The following INPP4B variants were observed in gnomAD, a reference collection of about 807,000 sequenced individuals.
INPP4B encodes inositol polyphosphate 4-phosphatase type II.
In INPP4B, 55 loss-of-function variants were observed where a neutral mutation model predicts 122.5. That is an observed-to-expected ratio of 0.45 (90% CI 0.36 to 0.56). The LOEUF is 0.56. Among genes scored for constraint, INPP4B ranks in the 20% least tolerant of loss-of-function variants. INPP4B has a pLI of 0.00. For synonymous variants in INPP4B, 403 were observed against 388.7 expected, an observed-to-expected ratio of 1.04 and a Z score of -0.43; for missense variants, 1,000 against 1,097.7, an observed-to-expected ratio of 0.91 and a Z score of 1.26.
chr4:142,606,704 A>T (rs1741345955), intron 2 of INPP4B, among the ~76,000 whole-genome samples: 1 of 152,076 alleles, frequency 6.6e-6, no homozygotes, highest in Admixed American at 6.6e-5. Context: ...TGAAAGTGCT[A>T]AAATTCCATG....
intron 1 of INPP4B, among the ~76,000 whole-genome samples, chr4:142,742,738 T>A (rs1028239470): frequency 6.6e-6 from 1 of 151,948 alleles, no homozygotes; most frequent in Non-Finnish European, 1.5e-5. Flanking sequence ...AAGTATGAGA[T>A]ATAAGAAGAA....
chr4:142,137,921 C>T (rs1691903234), intron 18 of INPP4B, among the ~76,000 whole-genome samples: 1 of 152,084 alleles, frequency 6.6e-6, no homozygotes, highest in Admixed American at 6.6e-5. Flanking sequence ...AATAGGAACA[C>T]TTATACACTG....
intron 2 of INPP4B, among the ~76,000 whole-genome samples, chr4:142,466,432 G>A (rs1817794622): frequency 6.6e-6 from 1 of 152,154 alleles, no homozygotes; most frequent in East Asian, 1.9e-4. Flanking sequence ...AAATTTCTAA[G>A]CAGCAAAGCA....
chr4:142,213,217 A>C (rs1038737483), intron 12 of INPP4B, among the ~76,000 whole-genome samples: 1 of 152,302 alleles, frequency 6.6e-6, no homozygotes, highest in East Asian at 1.9e-4. Flanking sequence ...ACTTAGGACA[A>C]ATTGCTGCCC....
intron 2 of INPP4B, among the ~76,000 whole-genome samples, chr4:142,543,272 G>T (rs1348188169): frequency 1.3e-5 from 2 of 152,004 alleles, no homozygotes; most frequent in Non-Finnish European, 2.9e-5. Context: ...AAGTTTAGTG[G>T]TGTGCTTGTT....
At chr4:142,844,852 A>G (rs1469132024) in intron 1 of INPP4B, among the ~76,000 whole-genome samples, 3 of 152,196 alleles carry the variant, frequency 2.0e-5, no homozygotes, top group African/African-American at 7.2e-5. Flanking sequence ...GTACACCTAT[A>G]AAAGAACTAT....
intron 1 of INPP4B, among the ~76,000 whole-genome samples, chr4:142,737,215 T>C (rs1435434985): frequency 6.6e-6 from 1 of 152,082 alleles, no homozygotes; most frequent in East Asian, 1.9e-4. Flanking sequence ...CAAACTATAC[T>C]ACAAGGCTAC....
At chr4:142,335,108 GAAAAAAAA>G (rs36074851) in intron 7 of INPP4B, among the ~76,000 whole-genome samples, 6 of 65,164 alleles carry the variant, frequency 9.2e-5, no homozygotes, top group Non-Finnish European at 1.3e-4. Context: ...TGGGAAAAAT[GAAAAAAAA>G]AAAAAAAAAA....
chr4:142,301,430 G>T (rs926247644), intron 9 of INPP4B, among the ~76,000 whole-genome samples: 2 of 152,094 alleles, frequency 1.3e-5, no homozygotes, highest in Admixed American at 6.5e-5. Context: ...CTTCCTACTA[G>T]GTAGTAAAAT....
intron 2 of INPP4B, among the ~76,000 whole-genome samples, chr4:142,644,261 T>A (rs1298022748): frequency 3.8e-4 from 34 of 90,116 alleles, no homozygotes; most frequent in East Asian, 1.1e-3. Context: ...AGGAAGGGGG[T>A]CAGGAGGAGG....
intron 5 of INPP4B, among the ~76,000 whole-genome samples, chr4:142,421,365 C>T (rs2149311233): frequency 6.6e-6 from 1 of 152,212 alleles, no homozygotes; most frequent in South Asian, 2.1e-4. Flanking sequence ...GCACAGCCTG[C>T]CTAAAAAATC....
chr4:142,071,557 G>T (rs1339640856), intron 25 of INPP4B, among the ~76,000 whole-genome samples: 1 of 152,116 alleles, frequency 6.6e-6, no homozygotes, highest in African/African-American at 2.4e-5. Context: ...GCAACCTACA[G>T]AATGGGAGAA....
chr4:142,657,900 C>T (rs564054706), intron 2 of INPP4B, among the ~76,000 whole-genome samples: 7 of 152,220 alleles, frequency 4.6e-5, no homozygotes, highest in Admixed American at 1.3e-4. Flanking sequence ...TTTTTTGACA[C>T]CGGGCTTTTC....
intron 14 of INPP4B, among the ~76,000 whole-genome samples, chr4:142,197,629 A>C (rs1250027170): frequency 6.6e-6 from 1 of 152,204 alleles, no homozygotes; most frequent in Non-Finnish European, 1.5e-5. Context: ...CAATGTTAAT[A>C]ATAATGATGG....
chr4:142,733,795 T>C (rs1050803990), intron 1 of INPP4B, among the ~76,000 whole-genome samples: 27 of 152,320 alleles, frequency 1.8e-4, no homozygotes, highest in African/African-American at 5.8e-4. Flanking sequence ...TGTACAACAA[T>C]ATTCTCAGTA....
chr4:142,073,289 A>G (rs1271621102), intron 25 of INPP4B, among the ~76,000 whole-genome samples: 2 of 152,160 alleles, frequency 1.3e-5, no homozygotes, highest in Non-Finnish European at 2.9e-5. Flanking sequence ...TTAGGCCACT[A>G]TCGTTTGAAC....
intron 1 of INPP4B, among the ~76,000 whole-genome samples, chr4:142,796,758 AG>A (rs1023446732): frequency 1.8e-4 from 28 of 151,946 alleles, no homozygotes; most frequent in Non-Finnish European, 4.0e-4. Flanking sequence ...CCTTAGAGGA[AG>A]GTTTCTGTTC....
intron 2 of INPP4B, among the ~76,000 whole-genome samples, chr4:142,607,076 G>T: frequency 1.3e-5 from 2 of 150,768 alleles, no homozygotes; most frequent in South Asian, 2.1e-4. Flanking sequence ...TTACATATAT[G>T]GTATTATAAT....
intron 2 of INPP4B, among the ~76,000 whole-genome samples, chr4:142,616,161 C>A (rs750144036): frequency 6.6e-6 from 1 of 152,106 alleles, no homozygotes; most frequent in Non-Finnish European, 1.5e-5. Flanking sequence ...AACCCTCACC[C>A]AATGAAATCT....
Sources: gnomAD v4.1 joint callset for allele counts (sites outside exome capture counted in the v4.1 genomes callset) on GRCh38, gnomAD v4.1.1 for gene constraint, MANE v1.5 for transcripts, NCBI Gene and HGNC (gene_info 2026-07-23, HGNC 2026-07-21) for gene names.